Variants in NRXN3 observed in about 807,000 individuals in gnomAD.
The protein encoded by NRXN3 is neurexin 3, also known as neurexin III.
Under a neutral mutation model 137.6 loss-of-function variants are expected in NRXN3, and 32 were observed. That is an observed-to-expected ratio of 0.23 (90% CI 0.18 to 0.31). The LOEUF is 0.31. Among genes scored for constraint, NRXN3 ranks in the 10% least tolerant of loss-of-function variants. The pLI is 1.00. For synonymous variants in NRXN3, 798 were observed against 784.5 expected, an observed-to-expected ratio of 1.02 and a Z score of -0.29; for missense variants, 1,574 against 2,062.5, an observed-to-expected ratio of 0.76 and a Z score of 4.59.
chr14:78,984,774 A>T (rs970657369), intron 14 of NRXN3, among the ~76,000 whole-genome samples: 1 of 152,078 alleles, frequency 6.6e-6, no homozygotes, highest in Non-Finnish European at 1.5e-5. Flanking sequence ...TAGGAGCAAC[A>T]CTCTGGGAAT....
At chr14:79,208,211 A>T (rs1230454796) in intron 15 of NRXN3, among the ~76,000 whole-genome samples, 6 of 152,214 alleles carry the variant, frequency 3.9e-5, no homozygotes. Context: ...CTGGAGACAA[A>T]GCTAACTCTC....
At chr14:78,541,950 CTGCAGAACAGCAAATAT>C (rs1184933591) in intron 4 of NRXN3, among the ~76,000 whole-genome samples, 38 of 152,248 alleles carry the variant, frequency 2.5e-4, no homozygotes, top group Admixed American at 6.5e-4. Context: ...CCAGCAGAGG[CTGCAGAACAGCAAATAT>C]TGCAGAACAG....
intron 4 of NRXN3, among the ~76,000 whole-genome samples, chr14:78,450,844 A>G (rs1273344006): frequency 6.6e-6 from 1 of 152,198 alleles, no homozygotes; most frequent in Non-Finnish European, 1.5e-5. Context: ...TGCTGTAAAT[A>G]ACTTTCCTCT....
At chr14:78,470,619 T>C (rs2095243989) in intron 4 of NRXN3, among the ~76,000 whole-genome samples, 1 of 152,072 alleles carries the variant, frequency 6.6e-6, no homozygotes, top group African/African-American at 2.4e-5. Context: ...CATTAAGATA[T>C]AAGCTGAGGC....
intron 16 of NRXN3, among the ~76,000 whole-genome samples, chr14:79,468,847 T>C (rs2096463291): frequency 6.6e-6 from 1 of 152,178 alleles, no homozygotes; most frequent in African/African-American, 2.4e-5. Flanking sequence ...CAAAATGTGG[T>C]GGAGGAGTCT....
chr14:78,261,331 A>G (rs1049166945), intron 2 of NRXN3, among the ~76,000 whole-genome samples: 1 of 152,188 alleles, frequency 6.6e-6, no homozygotes, highest in Non-Finnish European at 1.5e-5. Flanking sequence ...CCTGATTCAG[A>G]CACATGTTCT....
intron 16 of NRXN3, among the ~76,000 whole-genome samples, chr14:79,577,398 T>C (rs972707348): frequency 2.6e-5 from 4 of 152,216 alleles, no homozygotes; most frequent in African/African-American, 9.6e-5. Context: ...TTTTTCAGTC[T>C]TTTGAATGTA....
chr14:79,794,355 C>A (rs1010317142), intron 19 of NRXN3, among the ~76,000 whole-genome samples: 3 of 152,000 alleles, frequency 2.0e-5, no homozygotes, highest in African/African-American at 7.3e-5. Context: ...CAGAGTGAGA[C>A]TCTGTCTCAA....
chr14:79,337,290 A>G (rs2092326232), intron 15 of NRXN3, among the ~76,000 whole-genome samples: 1 of 152,204 alleles, frequency 6.6e-6, no homozygotes, highest in Non-Finnish European at 1.5e-5. Context: ...AGCAGGGAAC[A>G]TGGCAGAGTT....
Position 79,861,414 on chromosome 14 carries a change from T to C in NRXN3, c.4166T>C (p.Phe1389Ser). 2 of 1,536,288 alleles carry C rather than the reference T, an allele frequency of 1.3e-6. No individual in the cohort carries two copies. Among genetic ancestry groups the C allele is most frequent in the Non-Finnish European group, 1.7e-6 (2 of 1,146,954 alleles). The change falls in exon 21 of 21, where the codon TTT (phenylalanine) becomes TCT (serine). Residue 1389 changes from phenylalanine (F) to serine (S), a missense_variant. Phe to Ser is a radical substitution (Grantham distance 155). Coordinates refer to ENST00000335750, the MANE Select transcript of NRXN3 (RefSeq NM_001330195.2). The surrounding 1 kb of genome is among the most constrained non-coding windows in gnomAD (Gnocchi z 5.4). Reference sequence around the variant, plus strand: ...GCGCCCAAGTGGGAATCCAAGGACTTTAGACCTAACAAAGTCTCCGAAACT... The same window carrying C: ...GCGCCCAAGTGGGAATCCAAGGACTCTAGACCTAACAAAGTCTCCGAAACT... ...AHAPKWESKDFRPNKVSETSR... is the reference protein window; with the variant it reads ...AHAPKWESKDSRPNKVSETSR...
At chr14:78,479,239 T>G (rs1171784703) in intron 4 of NRXN3, among the ~76,000 whole-genome samples, 1 of 152,184 alleles carries the variant, frequency 6.6e-6, no homozygotes, top group African/African-American at 2.4e-5. Context: ...AGAAGTGGCC[T>G]GGGCATTGGG....
rs563762101 is a variant in NRXN3, at chr14:78,952,325, T to C, written c.2276-4917T>C. On this transcript the variant is annotated intron_variant, in intron 10 of 20. Coordinates refer to ENST00000335750, the MANE Select transcript of NRXN3 (RefSeq NM_001330195.2). ...AACACCTCCTCAATCTCTGTTGGGT[T>C]AGACACCCAAAGAAAGCAACCAGAA... Among the ~76,000 whole-genome samples, 288 of 152,354 alleles carry C rather than the reference T, an allele frequency of 1.9e-3. 2 individuals carry two copies. The highest frequency in any genetic ancestry group is 3.9e-3 in the South Asian group (19 of 4,828).
chr14:78,488,570 T>C (rs1253529787), intron 4 of NRXN3, among the ~76,000 whole-genome samples: 5 of 152,108 alleles, frequency 3.3e-5, no homozygotes, highest in African/African-American at 1.2e-4. Context: ...GAGGACATTA[T>C]TACTATTACT....
intron 16 of NRXN3, among the ~76,000 whole-genome samples, chr14:79,544,414 GT>G (rs1340451054): frequency 6.6e-6 from 1 of 152,194 alleles, no homozygotes; most frequent in African/African-American, 2.4e-5. Context: ...TGATGATTCT[GT>G]TTCCTTCTTT....
At chr14:79,270,631 T>C (rs908827602) in intron 15 of NRXN3, among the ~76,000 whole-genome samples, 1 of 151,986 alleles carries the variant, frequency 6.6e-6, no homozygotes, top group African/African-American at 2.4e-5. Flanking sequence ...CAGATATAAA[T>C]CAACTGATAA....
chr14:78,409,096 G>A (rs944770581), intron 4 of NRXN3, among the ~76,000 whole-genome samples: 3 of 152,182 alleles, frequency 2.0e-5, no homozygotes, highest in East Asian at 1.9e-4. Flanking sequence ...AAATACTTAC[G>A]AAGCTGGACA....
At chr14:79,187,086 G>T (rs76792906) in intron 15 of NRXN3, among the ~76,000 whole-genome samples, 8 of 152,220 alleles carry the variant, frequency 5.3e-5, no homozygotes, top group Admixed American at 5.2e-4. Flanking sequence ...CATGGGCTTC[G>T]TTCACCTAGA....
chr14:79,442,855 A>G (rs2095989436), intron 15 of NRXN3, among the ~76,000 whole-genome samples: 1 of 152,214 alleles, frequency 6.6e-6, no homozygotes, highest in South Asian at 2.1e-4. Flanking sequence ...TAGACGTTCA[A>G]CTGTTCCGTG....
chr14:78,926,368 G>C (rs2099290833), intron 10 of NRXN3, among the ~76,000 whole-genome samples: 1 of 151,336 alleles, frequency 6.6e-6, no homozygotes, highest in African/African-American at 2.4e-5. Context: ...TATATTTCTG[G>C]AATATTCCAT....
Sources: gnomAD v4.1 joint callset for allele counts (sites outside exome capture counted in the v4.1 genomes callset) on GRCh38, gnomAD v4.1.1 for gene constraint, Gnocchi (gnomAD v3.1) non-coding constraint, MANE v1.5 for transcripts, NCBI Gene and HGNC (gene_info 2026-07-23, HGNC 2026-07-21) for gene names.